Variants in DYNLRB2 observed in about 807,000 individuals in gnomAD.
DYNLRB2 encodes the protein dynein light chain roadblock-type 2, also known as bithoraxoid-like protein.
DYNLRB2 carries 14 observed loss-of-function variants against 12.6 expected under a neutral mutation model. The observed-to-expected ratio is 1.11, with a 90% CI of 0.73 to 1.73. DYNLRB2 has a LOEUF of 1.73. DYNLRB2 is among the 40% of genes most tolerant of loss of function. DYNLRB2 has a pLI of 0.00. For synonymous variants in DYNLRB2, 53 were observed against 37.0 expected (o/e 1.43, Z -1.57); for missense variants, 142 against 117.7 (o/e 1.21, Z -0.95).
intron 2 of DYNLRB2, chr16:80,547,996 G>A: frequency 2.9e-6 from 1 of 340,838 alleles, no homozygotes; most frequent in Admixed American, 4.1e-5. Context: ...AGATTTTTAT[G>A]AAAACCTGGT....
At chr16:80,543,801 T>C (rs941006874) in intron 2 of DYNLRB2, among the ~76,000 whole-genome samples, 1 of 152,230 alleles carries the variant, frequency 6.6e-6, no homozygotes, top group Non-Finnish European at 1.5e-5. Flanking sequence ...CTTTGAGAAT[T>C]AACGATATCA....
At chr16:80,541,953 A>G (rs559151710) in intron 1 of DYNLRB2, among the ~76,000 whole-genome samples, 46 of 152,236 alleles carry the variant, frequency 3.0e-4, no homozygotes, top group Non-Finnish European at 6.2e-4. Flanking sequence ...GAAATGCTAA[A>G]TAAGAGTGAA....
rs562264861 is a variant in DYNLRB2, at chr16:80,545,729, A to G, written c.79+2378A>G. 5.5e-3 allele frequency among the ~76,000 whole-genome samples: 659 copies of G among 118,934 alleles called. 6 individuals carry two copies. Among genetic ancestry groups the G allele is most frequent in the African/African-American group, 0.019 (630 of 32,764 alleles). 78.0% of individuals were successfully genotyped at this position (118,934 alleles called of 152,430 possible). A position where few individuals can be genotyped will look rare whatever the true frequency, so the allele number is the denominator to read the frequency against. ...GTCATCCAGGCTTGAGTGCAGTGGC[A>G]GGATCTCAGCTCACAGCAAGCTCTG... On this transcript the variant is annotated intron_variant, in intron 2 of 3. Transcript: ENST00000305904.
At chr16:80,540,948 G>A, upstream of DYNLRB2, 1 of 1,526,416 alleles carries the variant, frequency 6.6e-7, no homozygotes, top group Non-Finnish European at 8.9e-7. Context: ...ACTCGCGAGC[G>A]CGCAGGCGCA....
intron 3 of DYNLRB2, among the ~76,000 whole-genome samples, chr16:80,549,873 C>T (rs529976908): frequency 6.6e-6 from 1 of 152,154 alleles, no homozygotes; most frequent in African/African-American, 2.4e-5. Context: ...ATTTTGCCCA[C>T]TTGCATTTAT....
chr16:80,544,122 AGTGC>A (rs1400143845), intron 2 of DYNLRB2, among the ~76,000 whole-genome samples: 1 of 152,228 alleles, frequency 6.6e-6, no homozygotes, highest in Non-Finnish European at 1.5e-5. Flanking sequence ...TTACCAACTC[AGTGC>A]CTTGGAAAAA....
At chr16:80,540,900 C>T (rs1300881101), upstream of DYNLRB2, 2 of 1,152,914 alleles carry the variant, frequency 1.7e-6, no homozygotes, top group Non-Finnish European at 2.6e-6. Flanking sequence ...CTACGGCGGC[C>T]GGGAGGCATC....
chr16:80,541,341 G>C (rs1019800754), intron 1 of DYNLRB2: 3 of 984,534 alleles, frequency 3.0e-6, no homozygotes, highest in African/African-American at 3.5e-5. Flanking sequence ...AAAGGGAAGA[G>C]AGAGATTCAG....
At chr16:80,542,677 C>A (rs916685485) in intron 1 of DYNLRB2, among the ~76,000 whole-genome samples, 1 of 152,218 alleles carries the variant, frequency 6.6e-6, no homozygotes, top group African/African-American at 2.4e-5. Context: ...AGAATAATCA[C>A]TCATAGTTGA....
At chr16:80,545,663 C>CTTTTTTT (rs1597091152) in intron 2 of DYNLRB2, among the ~76,000 whole-genome samples, 5 of 30,170 alleles carry the variant, frequency 1.7e-4, no homozygotes, top group Non-Finnish European at 4.6e-4. Flanking sequence ...TACCCATTAG[C>CTTTTTTT]TTCTTTTTTT....
chr16:80,541,847 T>G (rs1904291380), intron 1 of DYNLRB2, among the ~76,000 whole-genome samples: 1 of 152,164 alleles, frequency 6.6e-6, no homozygotes, highest in South Asian at 2.1e-4. Flanking sequence ...TTGCCCAAAA[T>G]GCAGTGAATT....
chr16:80,549,889 GT>G (rs1301818384), intron 3 of DYNLRB2, among the ~76,000 whole-genome samples: 1 of 151,996 alleles, frequency 6.6e-6, no homozygotes, highest in African/African-American at 2.4e-5. Flanking sequence ...TTTATTATCA[GT>G]AATGAAAAAA....
At chr16:80,549,676 T>C (rs779062927) in intron 3 of DYNLRB2, 25 bp downstream of exon 3, 2 of 1,554,782 alleles carry the variant, frequency 1.3e-6, no homozygotes, top group East Asian at 4.5e-5. Flanking sequence ...CATTTCCTAG[T>C]TAAATCATCT....
At chr16:80,547,848 G>T in intron 2 of DYNLRB2, 1 of 456,110 alleles carries the variant, frequency 2.2e-6, no homozygotes. Flanking sequence ...GATTAGCAAG[G>T]TTTTTATTAT....
chr16:80,550,220 T>G (rs1400973462), intron 3 of DYNLRB2, among the ~76,000 whole-genome samples: 1 of 152,220 alleles, frequency 6.6e-6, no homozygotes, highest in Non-Finnish European at 1.5e-5. Context: ...GAATAAAGTT[T>G]TTTCCTACAC....
rs143562889 is a variant in DYNLRB2, at chr16:80,549,614, G to C, written c.210G>C (p.Arg70Ser). The change falls in exon 3 of 4, where the codon AGG (arginine) becomes AGC (serine). Residue 70 changes from arginine to serine, a missense_variant. Arg to Ser is a moderately radical substitution (Grantham distance 110). Transcript: ENST00000305904. ...IDPQNDLTFL[R>S]IRSKKHEIMV... ...CTCAGAACGACCTGACTTTTCTTAG[G>C]ATCAGATCAAAGAAACATGAAATCA... 1.2e-6 allele frequency: 2 copies of C among 1,611,388 alleles called. No individual in the cohort carries two copies. The highest frequency in any genetic ancestry group is 2.7e-5 in the African/African-American group (2 of 74,860).
chr16:80,543,306 CAG>C lies in DYNLRB2; in HGVS notation c.37_38del (p.His14Ter). 1 of 1,613,966 alleles carries C rather than the reference CAG, an allele frequency of 6.2e-7. No individual in the cohort carries two copies. The highest frequency in any genetic ancestry group is 8.5e-7 in the Non-Finnish European group (1 of 1,179,922). On this transcript the variant is annotated frameshift_variant, in exon 2 of 4. Transcript: ENST00000305904. LOFTEE classifies it high-confidence loss of function. ...AEVEETLKRIQSHKGVIGTMV... is the reference protein window; with the variant it reads ...AEVEETLKRIXSHKGVIGTMV... Reference sequence around the variant, plus strand: ...GGTGGAGGAAACCTTAAAGAGGATCCAGAGTCATAAAGGGGTTATTGGAACTA... The same window carrying C: ...GGTGGAGGAAACCTTAAAGAGGATCCAGTCATAAAGGGGTTATTGGAACTA...
At chr16:80,546,052 C>T (rs997416288) in intron 2 of DYNLRB2, among the ~76,000 whole-genome samples, 1 of 152,124 alleles carries the variant, frequency 6.6e-6, no homozygotes, top group African/African-American at 2.4e-5. Context: ...TTTCTGGGTA[C>T]TTAAGAGTTT....
rs756070080 is a variant in DYNLRB2 at position 80,541,094 on chromosome 16, T to C, written c.3+15T>C. 2 of 1,602,104 alleles carry C rather than the reference T, an allele frequency of 1.2e-6. No homozygotes were observed. Among genetic ancestry groups the C allele is most frequent in the East Asian group, 2.2e-5 (1 of 44,448 alleles). The stretch of plus-strand genomic sequence containing the variant: ...CCTCCGCGATGGTAAATCTGGGGTC[T>C]CCGTCCACGCCCCGCCGTTCCAAGC... On this transcript the variant is annotated intron_variant, in intron 1 of 3. Coordinates refer to ENST00000305904, the MANE Select transcript of DYNLRB2 (RefSeq NM_130897.3).
Sources: allele counts gnomAD v4.1 joint callset (sites outside exome capture counted in the v4.1 genomes callset), GRCh38; gene constraint gnomAD v4.1.1; transcripts MANE v1.5; gene names NCBI Gene and HGNC (gene_info 2026-07-23, HGNC 2026-07-21).